The following ATG7 variants were observed in gnomAD, a reference collection of about 807,000 sequenced individuals.
ATG7 encodes the protein autophagy related 7, also known as ubiquitin-like modifier-activating enzyme ATG7.
Under a neutral mutation model 82.4 loss-of-function variants are expected in ATG7, and 70 were observed. The ratio of observed to expected loss-of-function variants is 0.85; its 90% confidence interval spans 0.70 to 1.04. ATG7 has a LOEUF of 1.04. Among genes scored for constraint, ATG7 ranks in the 50% least tolerant of loss-of-function variants. The pLI, the probability that ATG7 is intolerant of heterozygous loss-of-function variation, is 0.00. For missense variants in ATG7, 792 were observed against 864.3 expected (o/e 0.92, Z 1.05); for synonymous variants, 287 against 313.0 (o/e 0.92, Z 0.88).
chr3:11,369,617 C>G lies in ATG7; in HGVS notation c.1875+4883C>G, dbSNP rs551737708. Among the ~76,000 whole-genome samples, 3 of 151,218 alleles carry G rather than the reference C, an allele frequency of 2.0e-5. 1 individual carries two copies. Among genetic ancestry groups the G allele is most frequent in the African/African-American group, 7.3e-5 (3 of 41,060 alleles). On this transcript the variant is annotated intron_variant, in intron 18 of 20. Transcript: ENST00000693202. Reference sequence around the variant, plus strand: ...GTTCCAGTGGGGAGGCCTCTGAATACAAGGAAGGATCCGGGTATAGGTCTA... The same window carrying G: ...GTTCCAGTGGGGAGGCCTCTGAATAGAAGGAAGGATCCGGGTATAGGTCTA...
chr3:11,391,574 C>T (rs1046756933), intron 19 of ATG7, among the ~76,000 whole-genome samples: 2 of 152,192 alleles, frequency 1.3e-5, no homozygotes, highest in Non-Finnish European at 2.9e-5. Flanking sequence ...GCCAGCACAG[C>T]GGTTCTTGTC....
At chr3:11,353,005 G>C (rs1229853324) in intron 14 of ATG7, among the ~76,000 whole-genome samples, 3 of 152,222 alleles carry the variant, frequency 2.0e-5, no homozygotes, top group African/African-American at 7.2e-5. Context: ...AAGTTAGAAA[G>C]ATTGGTTTTA....
chr3:11,548,775 G>A lies in ATG7; in HGVS notation c.2080-6036G>A, dbSNP rs187434705. 5.4e-5 allele frequency among the ~76,000 whole-genome samples: 8 copies of A among 148,422 alleles called. No individual in the cohort carries two copies. The East Asian group carries it at 1.2e-3, about 21-fold the overall frequency. The stretch of plus-strand genomic sequence containing the variant: ...AAATGGTTTAGTCAGCTGGTTCCCC[G>A]CTGAGGGCCTCTTGGGCCTGTTCCC... On this transcript the variant is annotated intron_variant, in intron 20 of 20. Coordinates refer to ENST00000693202, the MANE Select transcript of ATG7 (RefSeq NM_001349232.2).
the ATG7 span, among the ~76,000 whole-genome samples, chr3:11,573,993 C>T: frequency 4.6e-5 from 7 of 152,126 alleles, no homozygotes; most frequent in Non-Finnish European, 8.8e-5. Context: ...GAGAGAAGAC[C>T]GTCATCAACA....
rs1016785633 is a variant in ATG7 at position 11,373,944 on chromosome 3, T to G, written c.1876-6028T>G. Among the ~76,000 whole-genome samples, 3 of 152,348 alleles carry G rather than the reference T, an allele frequency of 2.0e-5. No homozygotes were observed. In the East Asian group the frequency reaches 5.8e-4, roughly 29 times the overall value. On this transcript the variant is annotated intron_variant, in intron 18 of 20. Coordinates refer to ENST00000693202, the MANE Select transcript of ATG7 (RefSeq NM_001349232.2). ...TCCAGATTTGAATAATTTTGTAAGC[T>G]TTGGGTTTTTGTTTACTTGTTTATT...
chr3:11,461,093 C>A (rs1267156142), intron 20 of ATG7, among the ~76,000 whole-genome samples: 1 of 152,112 alleles, frequency 6.6e-6, no homozygotes, highest in Non-Finnish European at 1.5e-5. Context: ...TTAGCTGTGG[C>A]AAAGACCTTT....
At chr3:11,563,188 G>A in the ATG7 span, among the ~76,000 whole-genome samples, 3 of 152,182 alleles carry the variant, frequency 2.0e-5, no homozygotes, top group South Asian at 4.1e-4. Context: ...TGTCCCCCAG[G>A]TCATCAAGGG....
At chr3:11,422,119 T>C (rs1559588437) in intron 19 of ATG7, among the ~76,000 whole-genome samples, 1 of 152,230 alleles carries the variant, frequency 6.6e-6, no homozygotes, top group East Asian at 1.9e-4. Context: ...CAGTAAGCAT[T>C]GGCTTCAACT....
intron 20 of ATG7, among the ~76,000 whole-genome samples, chr3:11,530,425 A>C (rs892909582): frequency 6.6e-6 from 1 of 151,982 alleles, no homozygotes; most frequent in African/African-American, 2.4e-5. Flanking sequence ...TGTAGCTTCC[A>C]GACTGTCTTT....
intron 19 of ATG7, 48 bp from the exon 20 acceptor site, chr3:11,426,756 C>A: frequency 6.8e-7 from 1 of 1,471,894 alleles, no homozygotes; most frequent in Non-Finnish European, 9.1e-7. Context: ...TTTTAATTTG[C>A]ATTTTAAGTC....
At chr3:11,407,893 G>A (rs1052428694) in intron 19 of ATG7, among the ~76,000 whole-genome samples, 37 of 152,296 alleles carry the variant, frequency 2.4e-4, no homozygotes, top group African/African-American at 8.9e-4. Context: ...AGTGGGAGGG[G>A]CTGCCACAAA....
intron 18 of ATG7, among the ~76,000 whole-genome samples, chr3:11,372,988 A>T (rs1028912116): frequency 6.6e-6 from 1 of 151,290 alleles, no homozygotes; most frequent in African/African-American, 2.4e-5. Flanking sequence ...ATGGAAGTAA[A>T]TATGTCATGG....
At chr3:11,371,061 G>A (rs1220672457) in intron 18 of ATG7, among the ~76,000 whole-genome samples, 1 of 150,986 alleles carries the variant, frequency 6.6e-6, no homozygotes, top group Non-Finnish European at 1.5e-5. Flanking sequence ...TGGTAGTGAG[G>A]CCAAAATGAG....
In ATG7 at chr3:11,360,726, A is replaced by T; in HGVS notation, c.1625A>T (p.Asn542Ile). The part of the protein sequence containing the change: ...ADLLGSSLFA[N>I]IPGYKLGCYF... ...CTCCTGGGCTCATCGCTTTTTGCCA[A>T]CATCCCTGGTTACAAGCTTGGCTGC... Residue 542 changes from asparagine to isoleucine, a missense_variant, in exon 16 of 21, where the codon AAC becomes ATC. By Grantham distance (149) the Asn-to-Ile change is moderately radical. Coordinates refer to ENST00000693202, the MANE Select transcript of ATG7 (RefSeq NM_001349232.2). 1 of 1,614,184 alleles carries T rather than the reference A, an allele frequency of 6.2e-7. No individual in the cohort carries two copies. The highest frequency in any genetic ancestry group is 2.2e-5 in the East Asian group (1 of 44,878).
chr3:11,553,976 G>A (rs1292426596), intron 20 of ATG7, among the ~76,000 whole-genome samples: 1 of 152,200 alleles, frequency 6.6e-6, no homozygotes, highest in African/African-American at 2.4e-5. Context: ...CGTAGGTTCA[G>A]GGACTGGCCC....
At chr3:11,532,698 A>C (rs527935297) in intron 20 of ATG7, among the ~76,000 whole-genome samples, 1 of 152,160 alleles carries the variant, frequency 6.6e-6, no homozygotes, top group South Asian at 2.1e-4. Flanking sequence ...ACTCCAGTCT[A>C]GGTGACAGAG....
intron 20 of ATG7, among the ~76,000 whole-genome samples, chr3:11,534,600 T>C (rs1376639714): frequency 6.6e-6 from 1 of 152,186 alleles, no homozygotes; most frequent in Non-Finnish European, 1.5e-5. Flanking sequence ...CATACTGCGG[T>C]TTCGTAGTCG....
intron 20 of ATG7, among the ~76,000 whole-genome samples, chr3:11,527,090 T>TAC (rs2092600391): frequency 6.9e-6 from 1 of 145,410 alleles, no homozygotes; most frequent in African/African-American, 2.5e-5. Context: ...TATATATATA[T>TAC]ATACATACAT....
intron 20 of ATG7, among the ~76,000 whole-genome samples, chr3:11,491,755 TGGGTACTA>T (rs1425936566): frequency 2.8e-4 from 43 of 152,338 alleles, no homozygotes; most frequent in African/African-American, 9.1e-4. Context: ...CCTGTTTGCC[TGGGTACTA>T]GCAGCGGTGT....
Sources: gnomAD v4.1 joint callset for allele counts (sites outside exome capture counted in the v4.1 genomes callset) on GRCh38, gnomAD v4.1.1 for gene constraint, MANE v1.5 for transcripts, NCBI Gene and HGNC (gene_info 2026-07-23, HGNC 2026-07-21) for gene names.